Variants in FRMD4B observed in about 807,000 individuals in gnomAD.
The protein encoded by FRMD4B is FERM domain containing 4B, also known as FERM domain-containing protein 4B.
Under a neutral mutation model 141.5 loss-of-function variants are expected in FRMD4B, and 74 were observed. That is an observed-to-expected ratio of 0.52 (90% CI 0.43 to 0.63). The LOEUF (loss-of-function observed/expected upper bound fraction) is 0.63. Among genes scored for constraint, FRMD4B ranks in the 30% least tolerant of loss-of-function variants. The pLI is 0.00. For synonymous variants in FRMD4B, 506 were observed against 467.9 expected, an observed-to-expected ratio of 1.08 and a Z score of -1.05; for missense variants, 1,366 against 1,253.4, an observed-to-expected ratio of 1.09 and a Z score of -1.36.
chr3:69,228,106 A>C (rs1227823661), intron 7 of FRMD4B, among the ~76,000 whole-genome samples: 1 of 152,250 alleles, frequency 6.6e-6, no homozygotes, highest in African/African-American at 2.4e-5. Flanking sequence ...GATAGTCACA[A>C]CTGAGGAAGG....
chr3:69,378,672 T>A (rs1704036404), intron 1 of FRMD4B, among the ~76,000 whole-genome samples: 2 of 152,164 alleles, frequency 1.3e-5, no homozygotes, highest in Admixed American at 1.3e-4. Context: ...GCCAGTGGTA[T>A]TTCTAAATCA....
intron 1 of FRMD4B, among the ~76,000 whole-genome samples, chr3:69,488,673 C>T (rs139334321): frequency 2.6e-4 from 40 of 151,912 alleles, no homozygotes; most frequent in African/African-American, 8.0e-4. Flanking sequence ...GAGGCTAAGG[C>T]GGGTAGATTA....
At chr3:69,534,536 A>G (rs963296269) in intron 1 of FRMD4B, among the ~76,000 whole-genome samples, 2 of 152,182 alleles carry the variant, frequency 1.3e-5, no homozygotes, top group Admixed American at 1.3e-4. Context: ...CCTACTCAGC[A>G]TGGTTACCCT....
intron 1 of FRMD4B, among the ~76,000 whole-genome samples, chr3:69,321,840 G>C (rs1456797504): frequency 6.6e-6 from 1 of 151,958 alleles, no homozygotes; most frequent in African/African-American, 2.4e-5. Flanking sequence ...TCAGCCTCCC[G>C]AATAGCTGGG....
intron 1 of FRMD4B, among the ~76,000 whole-genome samples, chr3:69,482,381 G>A (rs1398013130): frequency 1.3e-5 from 2 of 152,122 alleles, no homozygotes; most frequent in East Asian, 3.9e-4. Context: ...GACCTCTGAA[G>A]TGTGTCTGCT....
At chr3:69,289,762 A>G (rs2872809) in intron 4 of FRMD4B, among the ~76,000 whole-genome samples, 149,291 of 152,248 alleles carry the variant, frequency 0.98, 73,265 homozygotes, top group East Asian at 1. Context: ...TTATGCCACT[A>G]CAACTGCAGC....
chr3:69,367,696 C>T (rs183993372), intron 1 of FRMD4B, among the ~76,000 whole-genome samples: 2 of 152,092 alleles, frequency 1.3e-5, no homozygotes, highest in Non-Finnish European at 2.9e-5. Context: ...CCCATAGTAC[C>T]GAGGTACTGT....
intron 1 of FRMD4B, among the ~76,000 whole-genome samples, chr3:69,510,917 A>G (rs1706676090): frequency 6.6e-6 from 1 of 152,212 alleles, no homozygotes; most frequent in African/African-American, 2.4e-5. Context: ...AATAATTTAC[A>G]TTCTTATAGT....
intron 19 of FRMD4B, among the ~76,000 whole-genome samples, chr3:69,187,545 A>AT (rs1427878919): frequency 9.7e-5 from 11 of 113,584 alleles, no homozygotes; most frequent in Non-Finnish European, 1.8e-4. Context: ...CACCTCAAAA[A>AT]AAAAAAAATA....
At chr3:69,405,519 A>G (rs1704635225) in intron 2 of FRMD4B, among the ~76,000 whole-genome samples, 1 of 152,222 alleles carries the variant, frequency 6.6e-6, no homozygotes, top group East Asian at 1.9e-4. Context: ...CAACTTGGTC[A>G]GATGTGTGAA....
chr3:69,212,380 A>AAAAAT (rs1559721543), intron 11 of FRMD4B, among the ~76,000 whole-genome samples: 4 of 76,698 alleles, frequency 5.2e-5, no homozygotes, highest in East Asian at 3.9e-4. Context: ...AAAAAAAAAA[A>AAAAAT]GAAAAAAAAA....
At chr3:69,401,773 T>C (rs1317333501) in intron 2 of FRMD4B, among the ~76,000 whole-genome samples, 4 of 152,098 alleles carry the variant, frequency 2.6e-5, no homozygotes, top group African/African-American at 9.7e-5. Flanking sequence ...GGTCTCAAAC[T>C]CCTGGACTCA....
intron 5 of FRMD4B, among the ~76,000 whole-genome samples, chr3:69,287,322 G>A (rs907902042): frequency 6.6e-5 from 10 of 152,342 alleles, no homozygotes; most frequent in Middle Eastern, 3.4e-3. Context: ...CTAGATTTAA[G>A]GTGGCACATG....
At chr3:69,272,344 A>G (rs2093598173) in intron 5 of FRMD4B, among the ~76,000 whole-genome samples, 1 of 151,998 alleles carries the variant, frequency 6.6e-6, no homozygotes, top group South Asian at 2.1e-4. Flanking sequence ...TAAATTTTGT[A>G]TTTCTAGGTT....
At chr3:69,477,846 G>C (rs1271111362) in intron 1 of FRMD4B, among the ~76,000 whole-genome samples, 1 of 151,278 alleles carries the variant, frequency 6.6e-6, no homozygotes, top group Admixed American at 6.6e-5. Context: ...GACTCTTTTT[G>C]GTTGGTAAGC....
At chr3:69,432,901 C>G (rs1705203078) in intron 1 of FRMD4B, 1 of 152,184 alleles carries the variant, frequency 6.6e-6, no homozygotes, top group Non-Finnish European at 1.5e-5. Context: ...TAGAAATTCA[C>G]CTAATTCCAT....
intron 5 of FRMD4B, among the ~76,000 whole-genome samples, chr3:69,263,856 G>A (rs76273676): frequency 3.7e-5 from 4 of 108,770 alleles, no homozygotes; most frequent in Non-Finnish European, 5.0e-5. Context: ...ACAGAGTCTC[G>A]CTCTGTTGCC....
At chr3:69,485,291 C>T (rs750147546) in intron 1 of FRMD4B, among the ~76,000 whole-genome samples, 27 of 152,328 alleles carry the variant, frequency 1.8e-4, no homozygotes, top group Admixed American at 3.3e-4. Context: ...GAACAGGCAC[C>T]GCAGAGCCTG....
chr3:69,171,933 C>T lies in FRMD4B; in HGVS notation c.3033G>A (p.Leu1011=). Residue 1011 remains leucine (L), a synonymous_variant, in exon 23 of 23, where the codon CTG becomes CTA. Transcript: ENST00000398540. The part of the protein sequence containing the change: ...SQLDGTDGNQ[L]EDNLESSEQR... ...GCTCACTACTCTCCAGGTTGTCTTC[C>T]AGCTGGTTTCCATCTGTACCATCCA... The T allele has an allele frequency of 6.2e-7, 1 of 1,612,616 alleles. No homozygotes were observed. The highest frequency in any genetic ancestry group is 1.3e-5 in the African/African-American group (1 of 75,012).
Sources: allele counts gnomAD v4.1 joint callset (sites outside exome capture counted in the v4.1 genomes callset), GRCh38; gene constraint gnomAD v4.1.1; transcripts MANE v1.5; gene names NCBI Gene and HGNC (gene_info 2026-07-23, HGNC 2026-07-21).